The following PUS7 variants were observed in gnomAD, a reference collection of about 807,000 sequenced individuals.
PUS7 encodes pseudouridylate synthase 7 homolog.
A neutral mutation model predicts 79.8 loss-of-function variants in PUS7; 48 were observed. The observed-to-expected ratio is 0.60, with a 90% CI of 0.48 to 0.76. The LOEUF is 0.76. Ranked by LOEUF, PUS7 falls within the 30% of genes least tolerant of loss-of-function variation. The pLI, the probability that PUS7 is intolerant of heterozygous loss-of-function variation, is 0.00. For synonymous variants in PUS7, 286 were observed against 272.2 expected, an observed-to-expected ratio of 1.05 and a Z score of -0.50; for missense variants, 729 against 797.6, an observed-to-expected ratio of 0.91 and a Z score of 1.04.
At position 105,508,043 on chromosome 7, in the gene PUS7, T is replaced by C. The variant is rs1825541860; in HGVS notation, c.398+72A>G. On this transcript the variant is annotated intron_variant, in intron 2 of 15. Coordinates refer to ENST00000469408, the MANE Select transcript of PUS7 (RefSeq NM_019042.5). ...GGAGATGGAAAGCTAAGTGGAAGAA[T>C]ATAAAGCTAATTTCTTTCTAAAGAA... is the stretch of plus-strand genomic sequence containing the variant. 2.0e-6 allele frequency: 3 copies of C among 1,471,268 alleles called. No homozygotes were observed. In the South Asian group the frequency reaches 4.3e-5, roughly 21 times the overall value. 91.1% of individuals were successfully genotyped at this position (1,471,268 alleles called of 1,614,324 possible).
intron 4 of PUS7, among the ~76,000 whole-genome samples, chr7:105,504,793 T>C (rs767989408): frequency 6.6e-6 from 1 of 152,174 alleles, no homozygotes; most frequent in Non-Finnish European, 1.5e-5. Flanking sequence ...CTAAAGGTTT[T>C]GTCTAAAGAT....
In PUS7 at chr7:105,465,276, A is replaced by G. The variant is rs1823590329; in HGVS notation, c.1627+37T>C. The G allele has an allele frequency of 2.8e-6, 4 of 1,430,528 alleles. No individual in the cohort carries two copies. In the South Asian group the frequency reaches 4.7e-5, roughly 17 times the overall value. 88.6% of individuals were successfully genotyped at this position (1,430,528 alleles called of 1,614,324 possible). ...TGAAATAGTAGCTTCATTATGTTAA[A>G]CTTGTTTTAACTATTTTCCCCATAC... On this transcript the variant is annotated intron_variant, in intron 13 of 15. Coordinates refer to ENST00000469408, the MANE Select transcript of PUS7 (RefSeq NM_019042.5).
chr7:105,503,892 C>T (rs74955296), intron 4 of PUS7, among the ~76,000 whole-genome samples: 9,086 of 152,096 alleles, frequency 0.06, 324 homozygotes, highest in South Asian at 0.13. Flanking sequence ...CTCAGCTTCC[C>T]AAAGTACTGG....
In PUS7 at chr7:105,469,444, C is replaced by A. The variant is rs147070653; in HGVS notation, c.1399-981G>T. On this transcript the variant is annotated intron_variant, in intron 11 of 15. Coordinates refer to ENST00000469408, the MANE Select transcript of PUS7 (RefSeq NM_019042.5). ...TAGCTGAGGCTATAGGTGCGCACCA[C>A]CATGTCCAGATAATCGTTTTATTTA... Among the ~76,000 whole-genome samples the A allele has an allele frequency of 3.2e-3, 489 of 152,074 alleles. 6 individuals carry two copies. Among genetic ancestry groups the A allele is most frequent in the Middle Eastern group, 0.017 (5 of 294 alleles).
intron 6 of PUS7, among the ~76,000 whole-genome samples, chr7:105,492,774 T>A (rs1341828758): frequency 2.6e-5 from 4 of 152,128 alleles, no homozygotes; most frequent in Non-Finnish European, 4.4e-5. Context: ...CCCAAAGTGC[T>A]GGGATTACAG....
At chr7:105,488,199 G>A (rs1006237946) in intron 7 of PUS7, among the ~76,000 whole-genome samples, 2 of 152,180 alleles carry the variant, frequency 1.3e-5, no homozygotes, top group African/African-American at 2.4e-5. Context: ...AGAAAAAAAA[G>A]AAATATTCTT....
chr7:105,506,054 GT>G lies in PUS7; in HGVS notation c.485del (p.Asp162AlafsTer10). 1 of 1,611,668 alleles carries G rather than the reference GT, an allele frequency of 6.2e-7. No homozygotes were observed. Among genetic ancestry groups the G allele is most frequent in the Non-Finnish European group, 8.5e-7 (1 of 1,178,612 alleles). ...AAACTGTAAATATGTCTTCTGAAGG[GT>G]CCTTTAAAATAACCATGAGAACTCA... is the stretch of plus-strand genomic sequence containing the variant. ...NDLSIPVDEEDPSEDIFTVLT... is the reference protein window; with the variant it reads ...NDLSIPVDEEXPSEDIFTVLT... On this transcript the variant is annotated frameshift_variant and splice_region_variant, in exon 4 of 16. Transcript: ENST00000469408. LOFTEE classifies it high-confidence loss of function.
intron 1 of PUS7, among the ~76,000 whole-genome samples, chr7:105,514,550 G>A (rs1005194930): frequency 1.3e-5 from 2 of 151,650 alleles, no homozygotes; most frequent in Non-Finnish European, 2.9e-5. Flanking sequence ...CTTGCAGTGA[G>A]CCGAGATCGC....
chr7:105,513,560 C>A (rs1028436953), intron 1 of PUS7, among the ~76,000 whole-genome samples: 5 of 152,220 alleles, frequency 3.3e-5, no homozygotes, highest in Non-Finnish European at 5.9e-5. Flanking sequence ...TGGCTCACGC[C>A]TGTAATCCCA....
At chr7:105,505,057 G>A (rs1309775337) in intron 4 of PUS7, among the ~76,000 whole-genome samples, 1 of 147,660 alleles carries the variant, frequency 6.8e-6, no homozygotes, top group Non-Finnish European at 1.5e-5. Context: ...CTGGAGTGCA[G>A]TGGTATGATC....
intron 13 of PUS7, among the ~76,000 whole-genome samples, chr7:105,464,395 G>T (rs1823554183): frequency 6.6e-6 from 1 of 152,320 alleles, no homozygotes; most frequent in Non-Finnish European, 1.5e-5. Context: ...GTCGGTGAGG[G>T]TGTTTCTAGA....
chr7:105,462,184 C>A (rs371960434), intron 14 of PUS7: 1 of 155,220 alleles, frequency 6.4e-6, no homozygotes, highest in Non-Finnish European at 1.4e-5. Flanking sequence ...GTAATCCCAG[C>A]GCTTTGGGAG....
At position 105,468,349 on chromosome 7, in the gene PUS7, C is replaced by T. The variant is rs781607446; in HGVS notation, c.1513G>A (p.Val505Ile). The T allele has an allele frequency of 6.8e-6, 11 of 1,612,450 alleles. No homozygotes were observed. Among genetic ancestry groups the T allele is most frequent in the Non-Finnish European group, 9.3e-6 (11 of 1,179,570 alleles). ...YGLKPVPGDL[V>I]LKGATATYIE... Reference sequence around the variant, plus strand: ...TCTGCCTTTTTACCTCCTTTGAGAACGAGGTCCCCTGGAACAGGTTTTAGT... The same window carrying T: ...TCTGCCTTTTTACCTCCTTTGAGAATGAGGTCCCCTGGAACAGGTTTTAGT... The change falls in exon 12 of 16, where the codon GTT becomes ATT. Residue 505 changes from valine (V) to isoleucine (I), a missense_variant. Val to Ile is a conservative substitution (Grantham distance 29). Coordinates refer to ENST00000469408, the MANE Select transcript of PUS7 (RefSeq NM_019042.5).
rs1264715887 is a variant in PUS7, at chr7:105,495,218, T to G, written c.766A>C (p.Ser256Arg). 6 of 1,612,428 alleles carry G rather than the reference T, an allele frequency of 3.7e-6. No homozygotes were observed. The highest frequency in any genetic ancestry group is 5.1e-6 in the Non-Finnish European group (6 of 1,179,030). ...TTATATAGTACGAAGTGGCAGTAACTTCCCCTAGATTTTGGCCAAGAATGT... is the reference window on the plus strand; with the variant it reads ...TTATATAGTACGAAGTGGCAGTAACGTCCCCTAGATTTTGGCCAAGAATGT... ...RKHSWPKSRG[S>R]YCHFVLYKEN... Residue 256 changes from serine to arginine, a missense_variant, in exon 6 of 16, where the codon AGT becomes CGT. Ser to Arg is a moderately radical substitution (Grantham distance 110). Coordinates refer to ENST00000469408, the MANE Select transcript of PUS7 (RefSeq NM_019042.5).
chr7:105,457,165 G>C lies in PUS7; in HGVS notation c.*625C>G, dbSNP rs1174446954. The C allele has an allele frequency of 6.6e-6, 1 of 151,930 alleles. No individual in the cohort carries two copies. The highest frequency in any genetic ancestry group is 1.5e-5 in the Non-Finnish European group (1 of 67,964). 9.4% of individuals were successfully genotyped at this position (151,930 alleles called of 1,614,324 possible). On this transcript the variant is annotated 3_prime_UTR_variant, in exon 16 of 16. Coordinates refer to ENST00000469408, the MANE Select transcript of PUS7 (RefSeq NM_019042.5). ...GAAAAAAAAAATAAAAAAATAAAAT[G>C]GGCCTATCAATGCAACGTTCCTGCA...
Position 105,506,014 on chromosome 7 carries a change from T to G in PUS7, c.526A>C (p.Lys176Gln). 6.2e-7 allele frequency: 1 copy of G among 1,613,986 alleles called. No homozygotes were observed. Among genetic ancestry groups the G allele is most frequent in the South Asian group, 1.1e-5 (1 of 91,054 alleles). Residue 176 changes from lysine to glutamine, a missense_variant, in exon 4 of 16, where the codon AAG becomes CAG. Lys to Gln is a moderately conservative substitution (Grantham distance 53, BLOSUM62 1). Coordinates refer to ENST00000469408, the MANE Select transcript of PUS7 (RefSeq NM_019042.5). ...DIFTVLTAEEKQRLEELQLFK... is the reference protein window; with the variant it reads ...DIFTVLTAEEQQRLEELQLFK... ...AGCTGGAGCTCTTCCAATCGCTGCT[T>G]TTCTTCAGCTGTCAAAACTGTAAAT...
chr7:105,519,001 C>G (rs1452153652), intron 1 of PUS7, among the ~76,000 whole-genome samples: 1 of 152,130 alleles, frequency 6.6e-6, no homozygotes, highest in Non-Finnish European at 1.5e-5. Context: ...AACTCCTGAC[C>G]TCATGATTCG....
At chr7:105,509,397 T>C (rs1439973473) in intron 1 of PUS7, among the ~76,000 whole-genome samples, 2 of 152,088 alleles carry the variant, frequency 1.3e-5, no homozygotes, top group Admixed American at 6.6e-5. Context: ...CCAGTAATAC[T>C]ACTTTTAGGG....
At chr7:105,468,584 C>G in intron 11 of PUS7, 121 bp from the exon 12 acceptor site, 2 of 835,932 alleles carry the variant, frequency 2.4e-6, no homozygotes, top group Non-Finnish European at 3.6e-6. Context: ...GTGGCACGAT[C>G]TAGGCTCATT....
Sources: allele counts gnomAD v4.1 joint callset (sites outside exome capture counted in the v4.1 genomes callset), GRCh38; gene constraint gnomAD v4.1.1; transcripts MANE v1.5; gene names NCBI Gene and HGNC (gene_info 2026-07-23, HGNC 2026-07-21).